The following LAD1 variants were observed in gnomAD, a reference collection of about 807,000 sequenced individuals.
LAD1 encodes the protein ladinin 1.
A neutral mutation model predicts 54.2 loss-of-function variants in LAD1; 53 were observed. The ratio of observed to expected loss-of-function variants is 0.98; its 90% confidence interval spans 0.78 to 1.23. The LOEUF (loss-of-function observed/expected upper bound fraction) is 1.23, where lower values mean the gene tolerates loss of function less well. LAD1 is among the 50% of genes most tolerant of loss of function. LAD1 has a pLI of 0.00. For synonymous variants in LAD1, 231 were observed against 257.7 expected (o/e 0.90, Z 0.99); for missense variants, 637 against 653.3 (o/e 0.98, Z 0.27).
rs369632455 is a variant in LAD1, at chr1:201,382,372, C to T, written c.1474-46G>A. On this transcript the variant is annotated intron_variant, in intron 8 of 9. Transcript: ENST00000391967. ...GGAGACCAGAGACTAAGACCAGGCT[C>T]CAAAGGGCTCGGGATACCCCAGGCC... The T allele has an allele frequency of 6.8e-6, 10 of 1,471,552 alleles. No individual in the cohort carries two copies. In the African/African-American group the frequency reaches 1.4e-4, roughly 20 times the overall value. 91.2% of individuals were successfully genotyped at this position (1,471,552 alleles called of 1,614,324 possible).
chr1:201,386,243 G>T, intron 3 of LAD1, 92 bp downstream of exon 3: 1 of 1,262,476 alleles, frequency 7.9e-7, no homozygotes, highest in Non-Finnish European at 1.0e-6. Context: ...GATGGAGGCA[G>T]CCAGGGAACC....
intron 1 of LAD1, among the ~76,000 whole-genome samples, chr1:201,394,797 C>A (rs1662260765): frequency 6.6e-6 from 1 of 152,202 alleles, no homozygotes; most frequent in African/African-American, 2.4e-5. Context: ...GCTGAGGGAT[C>A]CAAATACTGG....
At position 201,381,635 on chromosome 1, in the gene LAD1, G is replaced by C. The variant is rs1290214724; in HGVS notation, c.*253C>G. 5 of 589,396 alleles carry C rather than the reference G, an allele frequency of 8.5e-6. No individual in the cohort carries two copies. The East Asian group carries it at 1.5e-4, about 17-fold the overall frequency. 36.5% of individuals were successfully genotyped at this position (589,396 alleles called of 1,614,324 possible). On this transcript the variant is annotated 3_prime_UTR_variant, in exon 10 of 10. Transcript: ENST00000391967. ...GATGTGCACTTGTGCTGTGACCTGG[G>C]CAGAGACTGGGTCCCAGCATCTGTT...
Position 201,383,367 on chromosome 1 carries a change from T to G in LAD1, c.1198A>C (p.Asn400His). 1 of 1,614,050 alleles carries G rather than the reference T, an allele frequency of 6.2e-7. No individual in the cohort carries two copies. The highest frequency in any genetic ancestry group is 2.2e-5 in the East Asian group (1 of 44,878). Residue 400 changes from asparagine (N) to histidine (H), a missense_variant, in exon 6 of 10, where the codon AAC becomes CAC. By Grantham distance (68) the Asn-to-His change is moderately conservative. Transcript: ENST00000391967. Reference protein sequence around the residue: ...TRSASMKLPDNTVKLGEKLER... With the variant: ...TRSASMKLPDHTVKLGEKLER... Reference sequence around the variant, plus strand: ...AGCTTCTCTCCCAACTTCACTGTGTTGTCTGGGAGCTTCATGCTGGCACTG... The same window carrying G: ...AGCTTCTCTCCCAACTTCACTGTGTGGTCTGGGAGCTTCATGCTGGCACTG...
rs144111813 is a variant in LAD1, at chr1:201,385,763, G to A, written c.1069C>T (p.Pro357Ser). The A allele has an allele frequency of 1.8e-4, 296 of 1,614,176 alleles. 1 individual carries two copies. The African/African-American group carries it at 3.1e-3, about 17-fold the overall frequency. Reference protein sequence around the residue: ...SKEEEADMSSPTQRTYSSSLK... With the variant: ...SKEEEADMSSSTQRTYSSSLK... The stretch of plus-strand genomic sequence containing the variant: ...GAGCTGCTGTAGGTTCGCTGTGTGG[G>A]TGAGGACATATCTGCCTCTTCCTCC... The change falls in exon 4 of 10, where the codon CCC becomes TCC. Residue 357 changes from proline to serine, a missense_variant. Pro to Ser is a moderately conservative substitution (Grantham distance 74, BLOSUM62 -1). Coordinates refer to ENST00000391967, the MANE Select transcript of LAD1 (RefSeq NM_005558.4).
intron 2 of LAD1, among the ~76,000 whole-genome samples, chr1:201,388,712 G>A (rs1571722120): frequency 6.6e-6 from 1 of 151,056 alleles, no homozygotes. Flanking sequence ...GTAAATTATA[G>A]AGGGTCAGGG....
chr1:201,383,314 C>A lies in LAD1; in HGVS notation c.1248+3G>T. 6.2e-7 allele frequency: 1 copy of A among 1,614,032 alleles called. No homozygotes were observed. Among genetic ancestry groups the A allele is most frequent in the Non-Finnish European group, 8.5e-7 (1 of 1,179,992 alleles). On this transcript the variant is annotated splice_donor_region_variant and intron_variant, in intron 6 of 9. Transcript: ENST00000391967. The stretch of plus-strand genomic sequence containing the variant: ...CCGCCCCTCAGGAGAAGCCCCCACC[C>A]ACCCGTATGGCCGTGTGGTATCTCT...
At chr1:201,383,813 G>A (rs2102355079) in intron 5 of LAD1, among the ~76,000 whole-genome samples, 1 of 152,224 alleles carries the variant, frequency 6.6e-6, no homozygotes, top group East Asian at 1.9e-4. Context: ...CAGCATACAA[G>A]GCTCTAGTGA....
Position 201,382,651 on chromosome 1 carries a change from A to G in LAD1, c.1473+2T>C. 3.1e-6 allele frequency: 5 copies of G among 1,594,096 alleles called. No individual in the cohort carries two copies. Among genetic ancestry groups the G allele is most frequent in the Non-Finnish European group, 3.4e-6 (4 of 1,169,734 alleles). On this transcript the variant is annotated splice_donor_variant, in intron 8 of 9. Coordinates refer to ENST00000391967, the MANE Select transcript of LAD1 (RefSeq NM_005558.4). LOFTEE classifies it high-confidence loss of function. ...AAGAGACATCAGGGAGGGTGAGGAT[A>G]CCTGGGGGTCCTGATCTCCAGATTC...
At chr1:201,398,973 C>T (rs895077020) in intron 1 of LAD1, among the ~76,000 whole-genome samples, 1 of 152,216 alleles carries the variant, frequency 6.6e-6, no homozygotes, top group Non-Finnish European at 1.5e-5. Flanking sequence ...CAAAACGTTC[C>T]TTCCTGCTTC....
chr1:201,384,690 T>C, intron 5 of LAD1, 102 bp downstream of exon 5: 1 of 1,180,696 alleles, frequency 8.5e-7, no homozygotes, highest in Non-Finnish European at 1.3e-6. Flanking sequence ...TCCCCTCATG[T>C]GCCCTACCGC....
intron 4 of LAD1, 25 bp from the exon 5 acceptor site, chr1:201,384,860 T>C: frequency 2.5e-6 from 4 of 1,613,242 alleles, no homozygotes; most frequent in Non-Finnish European, 3.4e-6. Flanking sequence ...AAAGGCATTG[T>C]TGTGTGGGAG....
In LAD1 at chr1:201,385,796, G is replaced by A. The variant is rs765927555; in HGVS notation, c.1036C>T (p.Pro346Ser). The part of the protein sequence containing the change: ...LPPVTLQVKI[P>S]SKEEEADMSS... ...ATATCTGCCTCTTCCTCCTTGCTGG[G>A]GATTTTCACCTGGATGGAGCAGGGG... The change falls in exon 4 of 10, where the codon CCC becomes TCC. Residue 346 changes from proline (P) to serine (S), a missense_variant. Transcript: ENST00000391967. The A allele has an allele frequency of 1.9e-6, 3 of 1,613,620 alleles. No individual in the cohort carries two copies. The highest frequency in any genetic ancestry group is 2.2e-5 in the South Asian group (2 of 91,066).
Position 201,385,750 on chromosome 1 carries a change from G to A in LAD1, c.1082C>T (p.Thr361Ile). 6.2e-7 allele frequency: 1 copy of A among 1,614,172 alleles called. No individual in the cohort carries two copies. The highest frequency in any genetic ancestry group is 2.2e-5 in the East Asian group (1 of 44,880). The stretch of plus-strand genomic sequence containing the variant: ...GGAGCGTTTGAGGGAGCTGCTGTAG[G>A]TTCGCTGTGTGGGTGAGGACATATC... ...EADMSSPTQR[T>I]YSSSLKRSSP... Residue 361 changes from threonine to isoleucine, a missense_variant, in exon 4 of 10, where the codon ACC becomes ATC. Physicochemically the swap from Thr to Ile is moderately conservative, Grantham distance 89. Transcript: ENST00000391967.
At chr1:201,384,309 T>A (rs994294210) in intron 5 of LAD1, among the ~76,000 whole-genome samples, 2 of 151,760 alleles carry the variant, frequency 1.3e-5, no homozygotes, top group African/African-American at 4.8e-5. Context: ...CATAAGCACA[T>A]CTGCTTCTCA....
intron 9 of LAD1, 123 bp downstream of exon 9, chr1:201,382,129 G>A (rs1661973741): frequency 1.1e-6 from 1 of 910,838 alleles, no homozygotes; most frequent in Non-Finnish European, 1.8e-6. Flanking sequence ...GAGCAGGGAT[G>A]GGGGCGTTCT....
chr1:201,389,022 G>GA, intron 2 of LAD1, 138 bp downstream of exon 2: 5 of 982,080 alleles, frequency 5.1e-6, no homozygotes, highest in Non-Finnish European at 7.7e-6. Flanking sequence ...TGGGGAAGGT[G>GA]GGGAACTGGA....
At chr1:201,385,954 T>C (rs1056340897) in intron 3 of LAD1, 149 bp from the exon 4 acceptor site, 2 of 664,218 alleles carry the variant, frequency 3.0e-6, no homozygotes, top group South Asian at 1.7e-5. Context: ...TCATCTGCTG[T>C]GGGAGTGGCT....
At chr1:201,388,384 T>C (rs1412039208) in intron 2 of LAD1, among the ~76,000 whole-genome samples, 2 of 127,726 alleles carry the variant, frequency 1.6e-5, no homozygotes, top group African/African-American at 6.7e-5. Context: ...CAAGACTCCA[T>C]CTCAAAAAAA....
Sources: gnomAD v4.1 joint callset for allele counts (sites outside exome capture counted in the v4.1 genomes callset) on GRCh38, gnomAD v4.1.1 for gene constraint, MANE v1.5 for transcripts, NCBI Gene and HGNC (gene_info 2026-07-23, HGNC 2026-07-21) for gene names.